WASL: variants seen among roughly 807,000 people sequenced by gnomAD.
The protein encoded by WASL is actin nucleation-promoting factor WASL.
WASL carries 20 observed loss-of-function variants against 55.5 expected under a neutral mutation model. That is an observed-to-expected ratio of 0.36 (90% CI 0.25 to 0.52). WASL has a LOEUF of 0.52. Among genes scored for constraint, WASL ranks in the 20% least tolerant of loss-of-function variants. WASL has a pLI of 0.92. For synonymous variants in WASL, 249 were observed against 217.6 expected (o/e 1.14, Z -1.27); for missense variants, 504 against 622.5 (o/e 0.81, Z 2.03).
At chr7:123,706,500 ATTATT>A in intron 3 of WASL, 127 bp from the exon 4 acceptor site, 2 of 916,586 alleles carry the variant, frequency 2.2e-6, no homozygotes, top group South Asian at 1.7e-5. Flanking sequence ...CAGATAAGAC[ATTATT>A]TTATGATCTG....
intron 1 of WASL, among the ~76,000 whole-genome samples, chr7:123,740,677 C>T (rs756394136): frequency 9.2e-5 from 14 of 151,992 alleles, no homozygotes; most frequent in Non-Finnish European, 1.8e-4. Flanking sequence ...CTTACTGCAT[C>T]CTTGAATTCC....
chr7:123,723,959 C>A (rs1487866945), intron 1 of WASL, among the ~76,000 whole-genome samples: 1 of 152,136 alleles, frequency 6.6e-6, no homozygotes, highest in African/African-American at 2.4e-5. Context: ...TAATGAAATT[C>A]AATGAGAAAT....
chr7:123,707,831 G>C (rs1333740682), intron 2 of WASL, among the ~76,000 whole-genome samples: 1 of 152,116 alleles, frequency 6.6e-6, no homozygotes, highest in Non-Finnish European at 1.5e-5. Flanking sequence ...TTACTAGTAA[G>C]CCACTGCTAG....
chr7:123,699,740 G>T (rs1803547988), intron 5 of WASL, among the ~76,000 whole-genome samples: 1 of 152,128 alleles, frequency 6.6e-6, no homozygotes, highest in African/African-American at 2.4e-5. Flanking sequence ...AGTGATATGT[G>T]AAATGAGTAA....
At chr7:123,696,926 T>C (rs1451058799) in intron 5 of WASL, among the ~76,000 whole-genome samples, 179 bp from the exon 6 acceptor site, 1 of 151,990 alleles carries the variant, frequency 6.6e-6, no homozygotes, top group Non-Finnish European at 1.5e-5. Flanking sequence ...CCTGTTAAGT[T>C]CTTGAAATGA....
intron 1 of WASL, among the ~76,000 whole-genome samples, chr7:123,737,596 CAAAAAAAAA>C (rs34669724): frequency 4.1e-5 from 3 of 72,818 alleles, no homozygotes; most frequent in East Asian, 8.1e-4. Context: ...CTCCGTCTCC[CAAAAAAAAA>C]AAAAAAAAAA....
intron 1 of WASL, among the ~76,000 whole-genome samples, chr7:123,735,278 G>GA (rs1390590732): frequency 2.0e-5 from 3 of 149,668 alleles, no homozygotes; most frequent in African/African-American, 7.4e-5. Context: ...TGACTTCATG[G>GA]AAAAAAAATA....
chr7:123,694,155 T>C (rs1426559357), intron 8 of WASL, among the ~76,000 whole-genome samples: 3 of 152,136 alleles, frequency 2.0e-5, no homozygotes, highest in African/African-American at 7.2e-5. Flanking sequence ...TTGGAAAATT[T>C]AGAGTATTTT....
intron 5 of WASL, among the ~76,000 whole-genome samples, chr7:123,699,229 T>A (rs375189297): frequency 6.1e-4 from 93 of 152,044 alleles, no homozygotes; most frequent in African/African-American, 2.2e-3. Context: ...AATACAAAAA[T>A]TAGCCGGGCG....
chr7:123,738,850 C>T (rs950499155), intron 1 of WASL, among the ~76,000 whole-genome samples: 17 of 151,872 alleles, frequency 1.1e-4, no homozygotes, highest in East Asian at 1.9e-4. Context: ...ACACAAAATA[C>T]GGTAACACCA....
chr7:123,709,671 ACT>A (rs1803726162), intron 1 of WASL, among the ~76,000 whole-genome samples: 4 of 152,172 alleles, frequency 2.6e-5, no homozygotes, highest in African/African-American at 9.6e-5. Flanking sequence ...CCCCTATTAC[ACT>A]GTTTCCCAAT....
chr7:123,687,524 G>A (rs977630605), intron 10 of WASL, among the ~76,000 whole-genome samples: 1 of 152,078 alleles, frequency 6.6e-6, no homozygotes, highest in Non-Finnish European at 1.5e-5. Context: ...TTCCTGAACT[G>A]CTGGTCTTTT....
At chr7:123,742,904 A>C (rs1439497715) in intron 1 of WASL, among the ~76,000 whole-genome samples, 1 of 152,228 alleles carries the variant, frequency 6.6e-6, no homozygotes, top group African/African-American at 2.4e-5. Flanking sequence ...TATATGCTAG[A>C]GTTAACATTA....
At chr7:123,735,006 T>C (rs1804202515) in intron 1 of WASL, among the ~76,000 whole-genome samples, 1 of 151,910 alleles carries the variant, frequency 6.6e-6, no homozygotes, top group African/African-American at 2.4e-5. Flanking sequence ...GCCAGCTACC[T>C]ATATTGAGCA....
chr7:123,734,006 T>C (rs927339387), intron 1 of WASL, among the ~76,000 whole-genome samples: 19 of 151,258 alleles, frequency 1.3e-4, no homozygotes, highest in South Asian at 8.3e-4. Flanking sequence ...TAAATGTCAA[T>C]TGCAAAACTG....
At chr7:123,720,366 T>C in intron 1 of WASL, 1 of 432,590 alleles carries the variant, frequency 2.3e-6, no homozygotes, top group South Asian at 1.7e-5. Context: ...AAAAAAGTTG[T>C]TATTCAAGTA....
At chr7:123,739,968 T>C (rs1804308520) in intron 1 of WASL, among the ~76,000 whole-genome samples, 1 of 151,872 alleles carries the variant, frequency 6.6e-6, no homozygotes, top group South Asian at 2.1e-4. Flanking sequence ...TGCATAATTT[T>C]TGTCTTCTTC....
intron 1 of WASL, among the ~76,000 whole-genome samples, chr7:123,741,459 G>A (rs1450842270): frequency 6.6e-6 from 1 of 152,134 alleles, no homozygotes; most frequent in Non-Finnish European, 1.5e-5. Flanking sequence ...AGTTAACAAT[G>A]TATATCCTAT....
At chr7:123,700,249 T>C (rs1803565935) in intron 5 of WASL, among the ~76,000 whole-genome samples, 1 of 140,564 alleles carries the variant, frequency 7.1e-6, no homozygotes, top group Non-Finnish European at 1.5e-5. Flanking sequence ...ATCCATATAA[T>C]GGAGATATAT....
Sources: allele counts gnomAD v4.1 joint callset (sites outside exome capture counted in the v4.1 genomes callset), GRCh38; gene constraint gnomAD v4.1.1; transcripts MANE v1.5; gene names NCBI Gene and HGNC (gene_info 2026-07-23, HGNC 2026-07-21).